TENM3: variants seen among roughly 807,000 people sequenced by gnomAD.
TENM3 encodes the protein teneurin transmembrane protein 3, also known as teneurin-3.
TENM3 carries 63 observed loss-of-function variants against 255.1 expected under a neutral mutation model. That is an observed-to-expected ratio of 0.25 (90% CI 0.20 to 0.30). TENM3 has a LOEUF of 0.30. Ranked by LOEUF, TENM3 falls within the 10% of genes least tolerant of loss-of-function variation. The pLI is 1.00. For missense variants in TENM3, 2,929 were observed against 3,461.1 expected (o/e 0.85, Z 3.86); for synonymous variants, 1,306 against 1,322.3 (o/e 0.99, Z 0.27).
At chr4:181,599,229 G>A in the TENM3 span, among the ~76,000 whole-genome samples, 249 of 152,272 alleles carry the variant, frequency 1.6e-3, no homozygotes, top group African/African-American at 5.2e-3. Context: ...TTATCTCAAG[G>A]CACCCCAATT....
chr4:181,501,292 C>T, the TENM3 span, among the ~76,000 whole-genome samples: 2 of 151,774 alleles, frequency 1.3e-5, no homozygotes, highest in South Asian at 4.2e-4. Context: ...TTTTGAAAGT[C>T]GATTTTTCTT....
At chr4:181,632,291 G>A in the TENM3 span, among the ~76,000 whole-genome samples, 1 of 152,046 alleles carries the variant, frequency 6.6e-6, no homozygotes, top group Admixed American at 6.6e-5. Flanking sequence ...ACTATCACAA[G>A]AACAGCATGG....
chr4:182,527,019 G>A lies in TENM3; in HGVS notation c.512-73905G>A, dbSNP rs139672160. 2.8e-3 allele frequency among the ~76,000 whole-genome samples: 419 copies of A among 151,558 alleles called. 1 individual carries two copies. The highest frequency in any genetic ancestry group is 9.7e-3 in the African/African-American group (400 of 41,280). On this transcript the variant is annotated intron_variant, in intron 3 of 27. Transcript: ENST00000511685. ...TCCTAATATGGAAATCTGCTGGTAT[G>A]TATAATACATCTGACAAATGAAATG...
At chr4:182,569,675 T>C (rs1376124474) in intron 3 of TENM3, among the ~76,000 whole-genome samples, 3 of 151,934 alleles carry the variant, frequency 2.0e-5, no homozygotes, top group Non-Finnish European at 4.4e-5. Context: ...CTTTACGAAA[T>C]GTGACAGGAC....
the TENM3 span, among the ~76,000 whole-genome samples, chr4:181,641,554 GTATATA>G: frequency 0.039 from 1,044 of 26,924 alleles, 35 homozygotes; most frequent in Middle Eastern, 0.1. Context: ...TGGTGTGTGT[GTATATA>G]TATATATATA....
intron 1 of TENM3, among the ~76,000 whole-genome samples, chr4:182,145,505 AT>A (rs1322700425): frequency 3.3e-5 from 5 of 152,138 alleles, no homozygotes; most frequent in Non-Finnish European, 7.4e-5. Context: ...GTTGTGTCTG[AT>A]TGATCTTTGC....
At position 182,754,450 on chromosome 4, in the gene TENM3, T is replaced by G; in HGVS notation, c.4083T>G (p.Asp1361Glu). The G allele has an allele frequency of 6.2e-7, 1 of 1,611,796 alleles. No homozygotes were observed. The highest frequency in any genetic ancestry group is 1.1e-5 in the South Asian group (1 of 90,438). The change falls in exon 22 of 28, where the codon GAT becomes GAG. Residue 1361 changes from aspartate (D) to glutamate (E), a missense_variant. Around this residue, in one of 6 missense-constraint regions of TENM3, gnomAD observed 1,608 missense variants for 1,884.4 expected, o/e 0.85. Coordinates refer to ENST00000511685, the MANE Select transcript of TENM3 (RefSeq NM_001080477.4). This position sits in a 1 kb window ranked among gnomAD's most constrained non-coding sequence, Gnocchi z 5.1. Reference sequence around the variant, plus strand: ...TGGATAACTCCATTTATGTCCTGGATAATAATGTAGTTTTACAGATCACTG... The same window carrying G: ...TGGATAACTCCATTTATGTCCTGGAGAATAATGTAGTTTTACAGATCACTG... ...NPMDNSIYVLDNNVVLQITEN... is the reference protein window; with the variant it reads ...NPMDNSIYVLENNVVLQITEN...
the TENM3 span, among the ~76,000 whole-genome samples, chr4:181,699,469 A>AAAAG: frequency 1.0e-4 from 15 of 143,882 alleles, no homozygotes; most frequent in Admixed American, 2.1e-4. Context: ...AAAAAAAAAA[A>AAAAG]AAAGAAAGAA....
At chr4:182,769,786 AAAAT>A (rs1579426846) in intron 22 of TENM3, among the ~76,000 whole-genome samples, 1 of 150,210 alleles carries the variant, frequency 6.7e-6, no homozygotes, top group African/African-American at 2.5e-5. Flanking sequence ...TCTGTCTCAA[AAAAT>A]AAATAAATAC....
chr4:182,053,877 C>T, the TENM3 span, among the ~76,000 whole-genome samples: 1 of 152,118 alleles, frequency 6.6e-6, no homozygotes, highest in Non-Finnish European at 1.5e-5. Flanking sequence ...CCCCTGACAG[C>T]TCAACCAACT....
At chr4:182,719,691 T>C (rs1759542834) in intron 13 of TENM3, among the ~76,000 whole-genome samples, 1 of 151,830 alleles carries the variant, frequency 6.6e-6, no homozygotes, top group African/African-American at 2.4e-5. Flanking sequence ...TCAACTGAGG[T>C]TATTCAGAAA....
At chr4:182,708,439 T>C (rs912166717) in intron 12 of TENM3, among the ~76,000 whole-genome samples, 6 of 152,158 alleles carry the variant, frequency 3.9e-5, no homozygotes, top group Non-Finnish European at 7.3e-5. Flanking sequence ...AGGCGGCATT[T>C]TGTGTTTGTG....
intron 3 of TENM3, among the ~76,000 whole-genome samples, chr4:182,434,391 C>A (rs1771891802): frequency 6.6e-6 from 1 of 152,040 alleles, no homozygotes; most frequent in African/African-American, 2.4e-5. Context: ...GGCTGGGTGC[C>A]ATGGCTCACA....
intron 3 of TENM3, among the ~76,000 whole-genome samples, chr4:182,478,648 A>G (rs1221359471): frequency 6.6e-6 from 1 of 151,994 alleles, no homozygotes; most frequent in Non-Finnish European, 1.5e-5. Flanking sequence ...ATACCATTGT[A>G]GCATTTTTTT....
the TENM3 span, among the ~76,000 whole-genome samples, chr4:181,789,100 G>A: frequency 1.3e-5 from 2 of 152,048 alleles, no homozygotes; most frequent in Non-Finnish European, 2.9e-5. Context: ...GCACTAAGAC[G>A]GCGATTAATA....
the TENM3 span, among the ~76,000 whole-genome samples, chr4:182,092,218 G>T: frequency 1.3e-5 from 2 of 152,144 alleles, no homozygotes; most frequent in Non-Finnish European, 1.5e-5. Flanking sequence ...GCACACACCT[G>T]TAGTCTCAGC....
At chr4:181,521,322 A>G in the TENM3 span, among the ~76,000 whole-genome samples, 1 of 152,214 alleles carries the variant, frequency 6.6e-6, no homozygotes, top group African/African-American at 2.4e-5. Context: ...CTGAGCAAAA[A>G]TAACTCTTAC....
At chr4:182,325,012 T>C (rs1227370012) in intron 2 of TENM3, among the ~76,000 whole-genome samples, 1 of 152,190 alleles carries the variant, frequency 6.6e-6, no homozygotes, top group East Asian at 1.9e-4. Context: ...TAGACATACA[T>C]AGTTATATTT....
chr4:181,717,067 A>G, the TENM3 span, among the ~76,000 whole-genome samples: 3 of 152,182 alleles, frequency 2.0e-5, no homozygotes, highest in Admixed American at 6.5e-5. Context: ...CCCTTAGCAC[A>G]TATCATGTGT....
Sources: allele counts gnomAD v4.1 joint callset (sites outside exome capture counted in the v4.1 genomes callset), GRCh38; gene constraint gnomAD v4.1.1; regional missense constraint gnomAD v4.1.1; non-coding constraint Gnocchi (gnomAD v3.1); transcripts MANE v1.5; gene names NCBI Gene and HGNC (gene_info 2026-07-23, HGNC 2026-07-21).